THRB: variants seen among roughly 807,000 people sequenced by gnomAD.
THRB encodes the protein thyroid hormone receptor beta.
A neutral mutation model predicts 47.8 loss-of-function variants in THRB; 12 were observed. The ratio of observed to expected loss-of-function variants is 0.25; its 90% CI spans 0.16 to 0.41. THRB has a LOEUF of 0.41. Ranked by LOEUF, THRB falls within the 10% of genes least tolerant of loss-of-function variation. The probability of loss-of-function intolerance (pLI) is 1.00; values close to 1 mark genes in which losing one functional copy is unlikely to be tolerated. For synonymous variants in THRB, 218 were observed against 212.2 expected, an observed-to-expected ratio of 1.03 and a Z score of -0.24; for missense variants, 348 against 589.2, an observed-to-expected ratio of 0.59 and a Z score of 4.24.
intron 2 of THRB, among the ~76,000 whole-genome samples, chr3:24,305,939 A>C (rs2057305565): frequency 6.6e-6 from 1 of 152,162 alleles, no homozygotes. Context: ...CTCCCAAGAA[A>C]TCTGAGTCTA....
At chr3:24,492,490 C>T (rs183221252) in intron 1 of THRB, among the ~76,000 whole-genome samples, 3 of 152,130 alleles carry the variant, frequency 2.0e-5, no homozygotes, top group Non-Finnish European at 2.9e-5. Flanking sequence ...AATGAGAAGA[C>T]CAGGGCGAAG....
At chr3:24,212,136 T>A (rs578087439) in intron 4 of THRB, among the ~76,000 whole-genome samples, 1 of 149,636 alleles carries the variant, frequency 6.7e-6, no homozygotes, top group African/African-American at 2.4e-5. Flanking sequence ...TGGTGGCTTA[T>A]GCCTGTAATC....
intron 3 of THRB, among the ~76,000 whole-genome samples, chr3:24,259,397 T>C (rs2051682483): frequency 6.6e-6 from 1 of 152,152 alleles, no homozygotes; most frequent in Non-Finnish European, 1.5e-5. Flanking sequence ...ATGGACACTA[T>C]TAGTGCTCAG....
intron 2 of THRB, among the ~76,000 whole-genome samples, chr3:24,335,103 A>G (rs1213179808): frequency 6.6e-6 from 1 of 152,180 alleles, no homozygotes; most frequent in Non-Finnish European, 1.5e-5. Flanking sequence ...CAGACTTTTA[A>G]GGGGCTTCTC....
At chr3:24,237,460 A>G (rs779575924) in intron 3 of THRB, among the ~76,000 whole-genome samples, 5 of 152,132 alleles carry the variant, frequency 3.3e-5, no homozygotes, top group African/African-American at 4.8e-5. Flanking sequence ...CTCCAGTTCA[A>G]CAATCTCATT....
chr3:24,308,915 G>T (rs1260928505), intron 2 of THRB, among the ~76,000 whole-genome samples: 1 of 152,128 alleles, frequency 6.6e-6, no homozygotes, highest in Non-Finnish European at 1.5e-5. Flanking sequence ...GGGAAGGAAA[G>T]AAGTAAACTG....
chr3:24,278,604 T>A (rs1277612972), intron 3 of THRB, among the ~76,000 whole-genome samples: 1 of 152,156 alleles, frequency 6.6e-6, no homozygotes, highest in African/African-American at 2.4e-5. Flanking sequence ...ATCACAACCC[T>A]CTATTTAAAT....
At chr3:24,378,040 T>C (rs940337416) in intron 1 of THRB, among the ~76,000 whole-genome samples, 1 of 152,298 alleles carries the variant, frequency 6.6e-6, no homozygotes, top group East Asian at 1.9e-4. Flanking sequence ...TTTTCTCCTT[T>C]TGTTTGCAAG....
intron 1 of THRB, among the ~76,000 whole-genome samples, chr3:24,395,097 T>C (rs1212132671): frequency 6.6e-6 from 1 of 152,128 alleles, no homozygotes; most frequent in East Asian, 1.9e-4. Flanking sequence ...GAACCCTTCC[T>C]CATGTCATAT....
At chr3:24,409,364 T>C (rs1194600931) in intron 1 of THRB, among the ~76,000 whole-genome samples, 1 of 151,838 alleles carries the variant, frequency 6.6e-6, no homozygotes. Context: ...TATGTTATTA[T>C]TGGAAATAAA....
intron 6 of THRB, among the ~76,000 whole-genome samples, chr3:24,148,058 C>G (rs1182154383): frequency 6.6e-6 from 1 of 152,144 alleles, no homozygotes. Flanking sequence ...CTGCCCCAGC[C>G]ACTTAAAAAG....
chr3:24,184,670 G>A (rs2149512467), intron 5 of THRB, among the ~76,000 whole-genome samples: 2 of 152,236 alleles, frequency 1.3e-5, no homozygotes, highest in East Asian at 3.9e-4. Flanking sequence ...CCCACAGTGG[G>A]GAGAGAGCCA....
intron 1 of THRB, among the ~76,000 whole-genome samples, chr3:24,420,716 T>C (rs1013933722): frequency 4.4e-4 from 67 of 151,788 alleles, no homozygotes; most frequent in African/African-American, 1.6e-3. Context: ...GCTGGCAAGG[T>C]TGCAGAGTAA....
At chr3:24,313,644 T>C (rs1018306161) in intron 2 of THRB, among the ~76,000 whole-genome samples, 4 of 152,202 alleles carry the variant, frequency 2.6e-5, no homozygotes, top group African/African-American at 4.8e-5. Flanking sequence ...TCCCCATTAT[T>C]AAGTATTACC....
At chr3:24,375,254 C>A (rs1409538382) in intron 1 of THRB, among the ~76,000 whole-genome samples, 1 of 149,864 alleles carries the variant, frequency 6.7e-6, no homozygotes, top group East Asian at 1.9e-4. Context: ...TTTGTTGTAA[C>A]AAAACACTTC....
intron 2 of THRB, among the ~76,000 whole-genome samples, chr3:24,311,598 C>T (rs2057764379): frequency 6.6e-6 from 1 of 152,246 alleles, no homozygotes; most frequent in South Asian, 2.1e-4. Context: ...AGCAAATGGT[C>T]CCCTGGGAGG....
At chr3:24,339,616 T>A (rs910655256) in intron 1 of THRB, among the ~76,000 whole-genome samples, 3 of 152,200 alleles carry the variant, frequency 2.0e-5, no homozygotes, top group Non-Finnish European at 2.9e-5. Context: ...GCGGCATCTT[T>A]TTCATGCTGT....
chr3:24,262,833 A>G (rs913833896), intron 3 of THRB, among the ~76,000 whole-genome samples: 1 of 152,066 alleles, frequency 6.6e-6, no homozygotes, highest in Non-Finnish European at 1.5e-5. Flanking sequence ...AAACACCATG[A>G]GGAAGGGATT....
chr3:24,263,031 CAATA>C (rs1474985582), intron 3 of THRB, among the ~76,000 whole-genome samples: 3 of 152,152 alleles, frequency 2.0e-5, no homozygotes, highest in Non-Finnish European at 4.4e-5. Flanking sequence ...CATTGAAAGA[CAATA>C]AATATTAGTG....
Sources: allele counts gnomAD v4.1 joint callset (sites outside exome capture counted in the v4.1 genomes callset), GRCh38; gene constraint gnomAD v4.1.1; transcripts MANE v1.5; gene names NCBI Gene and HGNC (gene_info 2026-07-23, HGNC 2026-07-21).